STRBP: variants seen among roughly 807,000 people sequenced by gnomAD.
STRBP encodes the protein spermatid perinuclear RNA-binding protein.
STRBP carries 13 observed loss-of-function variants against 80.1 expected under a neutral mutation model. That is an observed-to-expected ratio of 0.16 (90% CI 0.11 to 0.26). The LOEUF (loss-of-function observed/expected upper bound fraction) is 0.26. Ranked by LOEUF, STRBP falls within the 10% of genes least tolerant of loss-of-function variation. STRBP has a pLI of 1.00. For missense variants in STRBP, 485 were observed against 815.2 expected (o/e 0.59, Z 4.93); for synonymous variants, 284 against 291.2 (o/e 0.98, Z 0.25).
Position 123,173,858 on chromosome 9 carries a change from T to G in STRBP, c.225-16A>C. On this transcript the variant is annotated splice_polypyrimidine_tract_variant and intron_variant, in intron 4 of 18. Coordinates refer to ENST00000348403, the MANE Select transcript of STRBP (RefSeq NM_018387.5). ...ACCTTGATCCCTAAAAATAAAAGTC[T>G]GCATGATTACTTTCACAACCTATTT... The G allele has an allele frequency of 1.9e-6, 3 of 1,582,222 alleles. No homozygotes were observed. The highest frequency in any genetic ancestry group is 2.6e-6 in the Non-Finnish European group (3 of 1,168,832).
At chr9:123,259,075 A>G (rs10985917) in intron 1 of STRBP, among the ~76,000 whole-genome samples, 13,752 of 141,548 alleles carry the variant, frequency 0.097, 774 homozygotes, top group East Asian at 0.14. Context: ...AAAAAAAAAA[A>G]GGGGGGGGGA....
At chr9:123,146,735 C>CTA (rs1363790361) in intron 13 of STRBP, 120 bp downstream of exon 13, 1 of 863,398 alleles carries the variant, frequency 1.2e-6, no homozygotes, top group East Asian at 2.8e-5. Flanking sequence ...TAACAAAAGT[C>CTA]TATATATAAT....
At chr9:123,111,552 G>T in intron 3 of STRBP, 1 of 467,920 alleles carries the variant, frequency 2.1e-6, no homozygotes, top group Non-Finnish European at 4.4e-6. Context: ...GCAGGGGCAG[G>T]GCTGGCCTGA....
chr9:123,209,143 CAAG>C (rs1322216872), intron 2 of STRBP, among the ~76,000 whole-genome samples: 1 of 152,162 alleles, frequency 6.6e-6, no homozygotes, highest in Non-Finnish European at 1.5e-5. Flanking sequence ...TTGTTTATGG[CAAG>C]AAGGCTAGTC....
At position 123,146,850 on chromosome 9, in the gene STRBP, T is replaced by C. The variant is rs2036835018; in HGVS notation, c.1338+5A>G. On this transcript the variant is annotated splice_donor_5th_base_variant and intron_variant, in intron 13 of 18. Transcript: ENST00000348403. ...AAGCATTGCAAAGTAAAACAAATAC[T>C]GTACCTTCACCGCTACGTGAAGTTT... is the stretch of plus-strand genomic sequence containing the variant. 2 of 1,605,564 alleles carry C rather than the reference T, an allele frequency of 1.2e-6. No individual in the cohort carries two copies. Among genetic ancestry groups the C allele is most frequent in the Non-Finnish European group, 1.7e-6 (2 of 1,174,142 alleles).
intron 1 of STRBP, among the ~76,000 whole-genome samples, chr9:123,239,602 A>G (rs1289498545): frequency 6.6e-6 from 1 of 152,224 alleles, no homozygotes; most frequent in African/African-American, 2.4e-5. Context: ...ACTGAAAGCA[A>G]GAACTCCTGA....
Position 123,123,066 on chromosome 9 carries a change from T to C in STRBP, c.*2531A>G, listed in dbSNP as rs1042668783. 2.0e-6 allele frequency: 2 copies of C among 985,314 alleles called. No homozygotes were observed. Among genetic ancestry groups the C allele is most frequent in the Middle Eastern group, 5.2e-4 (1 of 1,936 alleles). The allele number at this position is 985,314 out of a possible 1,614,324, so 61.0% of individuals were successfully genotyped here. On this transcript the variant is annotated 3_prime_UTR_variant, in exon 19 of 19. Transcript: ENST00000348403. ...GGATAGCCTCAGGGTGTCACATTGCTCTTAAGACCAAGACATAGAAATTGC... is the reference window on the plus strand; with the variant it reads ...GGATAGCCTCAGGGTGTCACATTGCCCTTAAGACCAAGACATAGAAATTGC...
intron 2 of STRBP, among the ~76,000 whole-genome samples, chr9:123,184,906 C>G: frequency 6.6e-6 from 1 of 152,124 alleles, no homozygotes; most frequent in Non-Finnish European, 1.5e-5. Flanking sequence ...TTCACTAGAT[C>G]CTGACTTCAT....
intron 14 of STRBP, among the ~76,000 whole-genome samples, chr9:123,138,048 A>G (rs2036434790): frequency 6.6e-6 from 1 of 152,248 alleles, no homozygotes; most frequent in Non-Finnish European, 1.5e-5. Context: ...CTGAATTTTA[A>G]TAAAGTACTA....
chr9:123,180,128 T>C (rs1212611842), intron 3 of STRBP, among the ~76,000 whole-genome samples: 1 of 152,046 alleles, frequency 6.6e-6, no homozygotes, highest in Non-Finnish European at 1.5e-5. Context: ...TGGTAGCAGG[T>C]GCCTATAGTC....
At chr9:123,150,672 C>T (rs72753293) in intron 11 of STRBP, among the ~76,000 whole-genome samples, 4 of 152,224 alleles carry the variant, frequency 2.6e-5, no homozygotes, top group Non-Finnish European at 5.9e-5. Flanking sequence ...ACCCTAGGGG[C>T]ATCTTCCTAA....
At chr9:123,117,864 A>T (rs2035671441), downstream of STRBP, among the ~76,000 whole-genome samples, 1 of 152,256 alleles carries the variant, frequency 6.6e-6, no homozygotes. Context: ...CTGAAATTCA[A>T]AGAAAAACAA....
intron 1 of STRBP, among the ~76,000 whole-genome samples, chr9:123,251,021 T>C (rs917017106): frequency 6.6e-6 from 1 of 152,002 alleles, no homozygotes; most frequent in Admixed American, 6.6e-5. Flanking sequence ...TAACTACTTG[T>C]GAGGCTGAGG....
At chr9:123,116,019 T>A (rs2035638939) in exon 3 of STRBP, 1 of 456,210 alleles carries the variant, frequency 2.2e-6, no homozygotes, top group Admixed American at 2.3e-5. Flanking sequence ...GCTTTCAGCT[T>A]TCCTGAGTTC....
At chr9:123,157,869 C>G (rs2037356759) in intron 11 of STRBP, 143 bp downstream of exon 11, 1 of 660,198 alleles carries the variant, frequency 1.5e-6, no homozygotes, top group African/African-American at 1.8e-5. Flanking sequence ...ACACAGCCAA[C>G]CTATATCAGT....
chr9:123,117,517 C>T (rs1052667068), downstream of STRBP, among the ~76,000 whole-genome samples: 1 of 152,070 alleles, frequency 6.6e-6, no homozygotes, highest in African/African-American at 2.4e-5. Context: ...TACACGGGTC[C>T]AACTTGGAGG....
intron 16 of STRBP, 82 bp downstream of exon 16, chr9:123,135,959 A>C: frequency 6.5e-7 from 1 of 1,550,334 alleles, no homozygotes; most frequent in Non-Finnish European, 8.7e-7. Flanking sequence ...GAAAAAGCTA[A>C]AGTGCCACAT....
In STRBP at chr9:123,125,497, T is replaced by C; in HGVS notation, c.*100A>G. ...AGATGTTCTTTACAAATAATTTTGA[T>C]CAAGTATGTGTTCAAAGAAAGCAGG... On this transcript the variant is annotated 3_prime_UTR_variant, in exon 19 of 19. Transcript: ENST00000348403. The C allele has an allele frequency of 7.5e-7, 1 of 1,331,508 alleles. No individual in the cohort carries two copies. Among genetic ancestry groups the C allele is most frequent in the Middle Eastern group, 2.0e-4 (1 of 4,996 alleles). 82.5% of individuals were successfully genotyped at this position (1,331,508 alleles called of 1,614,324 possible).
At chr9:123,227,247 A>G (rs966650677) in intron 2 of STRBP, among the ~76,000 whole-genome samples, 4 of 152,226 alleles carry the variant, frequency 2.6e-5, no homozygotes, top group African/African-American at 9.6e-5. Flanking sequence ...AGCAAGTTAC[A>G]TAATTAAAGG....
Sources: gnomAD v4.1 joint callset for allele counts (sites outside exome capture counted in the v4.1 genomes callset) on GRCh38, gnomAD v4.1.1 for gene constraint, MANE v1.5 for transcripts, NCBI Gene and HGNC (gene_info 2026-07-23, HGNC 2026-07-21) for gene names.